Variants in VGLL1 observed in about 807,000 individuals in gnomAD.
VGLL1 encodes vestigial like family member 1.
In VGLL1, 4 loss-of-function variants were observed where a neutral mutation model predicts 12.0. The ratio of observed to expected loss-of-function variants is 0.33; its 90% confidence interval spans 0.16 to 0.76. VGLL1 has a LOEUF of 0.76. VGLL1 is among the 30% of genes least tolerant of loss of function. The pLI is 0.60. For synonymous variants in VGLL1, 87 were observed against 81.2 expected, an observed-to-expected ratio of 1.07 and a Z score of -0.39; for missense variants, 204 against 208.7, an observed-to-expected ratio of 0.98 and a Z score of 0.14.
At chrX:136,549,733 G>T (rs193023235) in intron 3 of VGLL1, among the ~76,000 whole-genome samples, 92 of 111,455 alleles carry the variant, frequency 8.3e-4, no homozygotes, top group Non-Finnish European at 1.3e-3. Flanking sequence ...AGAAAACAAG[G>T]CTCCCTTCTT....
intron 4 of VGLL1, among the ~76,000 whole-genome samples, chrX:136,551,335 TCA>T (rs1479042252): frequency 9.0e-6 from 1 of 111,668 alleles, no homozygotes; most frequent in African/African-American, 3.3e-5. Context: ...TCCCAGATGT[TCA>T]GTTTTCAGCC....
chrX:136,553,948 C>T (rs887959056), intron 4 of VGLL1, among the ~76,000 whole-genome samples: 1 of 111,923 alleles, frequency 8.9e-6, no homozygotes, highest in Non-Finnish European at 1.9e-5. Flanking sequence ...ATCTTTTGGT[C>T]GGTAGAAATA....
chrX:136,549,260 C>G (rs1031325470), intron 3 of VGLL1, among the ~76,000 whole-genome samples: 1 of 112,054 alleles, frequency 8.9e-6, no homozygotes, highest in East Asian at 2.8e-4. Flanking sequence ...CCTAGCCTGT[C>G]AACTTGGCCT....
chrX:136,548,890 C>T lies in VGLL1; in HGVS notation c.516C>T (p.Leu172=), dbSNP rs932780117. The change falls in exon 3 of 5, where the codon CTC becomes CTT. Residue 172 remains leucine (L), a synonymous_variant. Transcript: ENST00000370634. The part of the protein sequence containing the change: ...DGKREPLLSL[L]QQDRCLARPQ... ...AACGTGAGCCTCTCCTAAGTCTCCTCCAGCAAGACAGATGCCTAGCCCGTC... is the reference window on the plus strand; with the variant it reads ...AACGTGAGCCTCTCCTAAGTCTCCTTCAGCAAGACAGATGCCTAGCCCGTC... 5.0e-6 allele frequency: 6 copies of T among 1,210,711 alleles called. No homozygotes were observed. Among genetic ancestry groups the T allele is most frequent in the African/African-American group, 3.5e-5 (2 of 57,333 alleles).
At chrX:136,540,330 C>T (rs183172028) in intron 2 of VGLL1, among the ~76,000 whole-genome samples, 17 of 111,543 alleles carry the variant, frequency 1.5e-4, no homozygotes, top group Admixed American at 8.6e-4. Context: ...GCCTCACCCG[C>T]TCCAGTCTAG....
At chrX:136,541,790 G>A (rs1443971699) in intron 2 of VGLL1, among the ~76,000 whole-genome samples, 1 of 112,305 alleles carries the variant, frequency 8.9e-6, no homozygotes, top group Non-Finnish European at 1.9e-5. Flanking sequence ...CGTGTGGCTA[G>A]GAAATGCCGT....
At chrX:136,538,009 G>C (rs1441675351) in intron 2 of VGLL1, among the ~76,000 whole-genome samples, 1 of 111,883 alleles carries the variant, frequency 8.9e-6, no homozygotes, top group African/African-American at 3.3e-5. Flanking sequence ...CAAGGGTAGG[G>C]GCCAGAGGGA....
At chrX:136,541,454 T>C (rs1428164153) in intron 2 of VGLL1, among the ~76,000 whole-genome samples, 4 of 112,551 alleles carry the variant, frequency 3.6e-5, no homozygotes, top group Non-Finnish European at 7.5e-5. Flanking sequence ...AAAGCCTCTC[T>C]TATCACCACT....
chrX:136,549,378 T>C (rs1265248798), intron 3 of VGLL1, among the ~76,000 whole-genome samples: 1 of 111,612 alleles, frequency 9.0e-6, no homozygotes, highest in Non-Finnish European at 1.9e-5. Flanking sequence ...GTGACGTACC[T>C]ACAGGCTCAA....
rs1283918666 is a variant in VGLL1, at chrX:136,535,911, C to A, written c.-25-85C>A. ...ACGTGTACCTGGTGGGAGCAAATTGCTTGCCCCCAAGGACACTGCTCACCC... is the reference window on the plus strand; with the variant it reads ...ACGTGTACCTGGTGGGAGCAAATTGATTGCCCCCAAGGACACTGCTCACCC... On this transcript the variant is annotated intron_variant, in intron 1 of 4. Transcript: ENST00000370634. The A allele has an allele frequency of 1.5e-5, 12 of 798,343 alleles. No individual in the cohort carries two copies. In the East Asian group the frequency reaches 3.8e-4, roughly 25 times the overall value. The allele number at this position is 798,343 out of a possible 1,213,427, so 65.8% of individuals were successfully genotyped here.
chrX:136,536,612 C>G (rs980015805), intron 2 of VGLL1, among the ~76,000 whole-genome samples: 9 of 111,785 alleles, frequency 8.1e-5, no homozygotes, highest in African/African-American at 2.9e-4. Flanking sequence ...CCCACACCCC[C>G]AAGCATTCAA....
intron 3 of VGLL1, among the ~76,000 whole-genome samples, 194 bp downstream of exon 3, chrX:136,549,202 AG>A (rs1774107585): frequency 8.9e-6 from 1 of 111,993 alleles, no homozygotes; most frequent in African/African-American, 3.2e-5. Flanking sequence ...TAATAGCTAA[AG>A]GGTTACATAG....
intron 4 of VGLL1, among the ~76,000 whole-genome samples, chrX:136,551,860 C>A (rs749300431): frequency 1.8e-5 from 2 of 110,996 alleles, no homozygotes; most frequent in African/African-American, 6.6e-5. Context: ...GCGGGAGGAA[C>A]ACTTGAGCCC....
At chrX:136,549,116 T>G in intron 3 of VGLL1, 108 bp downstream of exon 3, 1 of 823,927 alleles carries the variant, frequency 1.2e-6, no homozygotes, top group Non-Finnish European at 1.7e-6. Context: ...ACTCTGGACA[T>G]AGGGCTGCTG....
At chrX:136,540,028 C>T (rs759086964) in intron 2 of VGLL1, among the ~76,000 whole-genome samples, 5 of 111,738 alleles carry the variant, frequency 4.5e-5, no homozygotes, top group African/African-American at 1.6e-4. Context: ...CTGACCGCAT[C>T]TTCTCACCTC....
intron 2 of VGLL1, among the ~76,000 whole-genome samples, chrX:136,541,700 C>G (rs1235975308): frequency 8.9e-6 from 1 of 112,155 alleles, no homozygotes; most frequent in African/African-American, 3.2e-5. Context: ...GGCTCCCATT[C>G]ATGGGCTCCC....
intron 2 of VGLL1, among the ~76,000 whole-genome samples, chrX:136,539,263 G>A (rs191102142): frequency 4.5e-5 from 5 of 111,656 alleles, no homozygotes; most frequent in Admixed American, 2.8e-4. Flanking sequence ...CCAACTCTTG[G>A]CCTATTGCCC....
chrX:136,546,583 G>A (rs1235334323), intron 2 of VGLL1, among the ~76,000 whole-genome samples: 1 of 112,319 alleles, frequency 8.9e-6, no homozygotes, highest in Non-Finnish European at 1.9e-5. Context: ...TTCTAGAAAG[G>A]AAGCAGTTAA....
chrX:136,549,556 T>G (rs1272235568), intron 3 of VGLL1, among the ~76,000 whole-genome samples: 1 of 110,480 alleles, frequency 9.1e-6, no homozygotes, highest in African/African-American at 3.3e-5. Flanking sequence ...GTCCTTGGCT[T>G]GCTCCTGCAC....
Sources: gnomAD v4.1 joint callset for allele counts (sites outside exome capture counted in the v4.1 genomes callset) on GRCh38, gnomAD v4.1.1 for gene constraint, MANE v1.5 for transcripts, NCBI Gene and HGNC (gene_info 2026-07-23, HGNC 2026-07-21) for gene names.